The following HS2ST1 variants were observed in gnomAD, a reference collection of about 807,000 sequenced individuals.
HS2ST1 encodes heparan sulfate 2-O-sulfotransferase 1, also known as 2-O-sulfotransferase.
HS2ST1 carries 18 observed loss-of-function variants against 42.9 expected under a neutral mutation model. The ratio of observed to expected loss-of-function variants is 0.42; its 90% CI spans 0.29 to 0.62. The LOEUF is 0.62. HS2ST1 is among the 20% of genes least tolerant of loss of function. The pLI is 0.21. For synonymous variants in HS2ST1, 146 were observed against 152.9 expected, an observed-to-expected ratio of 0.95 and a Z score of 0.33; for missense variants, 334 against 433.8, an observed-to-expected ratio of 0.77 and a Z score of 2.04.
At chr1:87,055,614 G>GC (rs1650945903) in intron 1 of HS2ST1, among the ~76,000 whole-genome samples, 1 of 152,198 alleles carries the variant, frequency 6.6e-6, no homozygotes, top group Admixed American at 6.5e-5. Flanking sequence ...TATAGAAGTT[G>GC]TTCTGAAAGT....
chr1:87,061,247 T>C (rs1398883748), intron 1 of HS2ST1, among the ~76,000 whole-genome samples: 1 of 152,130 alleles, frequency 6.6e-6, no homozygotes, highest in Non-Finnish European at 1.5e-5. Flanking sequence ...TTGGTAATTT[T>C]TTTGAAGTGA....
At chr1:86,970,685 T>A (rs1340406370) in intron 1 of HS2ST1, among the ~76,000 whole-genome samples, 1 of 152,200 alleles carries the variant, frequency 6.6e-6, no homozygotes. Flanking sequence ...TGAGCCACTG[T>A]GCCCTGCCTG....
At chr1:86,935,707 G>A (rs1399583019) in intron 1 of HS2ST1, among the ~76,000 whole-genome samples, 2 of 151,932 alleles carry the variant, frequency 1.3e-5, no homozygotes, top group African/African-American at 4.8e-5. Flanking sequence ...CAAGTGATCT[G>A]CGCACCTCGG....
intron 1 of HS2ST1, among the ~76,000 whole-genome samples, chr1:86,941,257 A>G (rs1325511275): frequency 6.6e-6 from 1 of 152,062 alleles, no homozygotes; most frequent in Non-Finnish European, 1.5e-5. Context: ...TCTCTGAAGT[A>G]TCTGGATTTG....
intron 1 of HS2ST1, among the ~76,000 whole-genome samples, chr1:87,015,122 C>T (rs1649712588): frequency 2.6e-5 from 4 of 152,098 alleles, no homozygotes. Context: ...GATCTCAGCT[C>T]ACTGCAACCT....
At position 87,020,928 on chromosome 1, in the gene HS2ST1, C is replaced by T. The variant is rs545520218; in HGVS notation, c.125-52006C>T. ...CATCTAAATGAACCATGACCATAAA[C>T]AGTTCTGAGCCTCATTCTATAGGTA... is the stretch of plus-strand genomic sequence containing the variant. On this transcript the variant is annotated intron_variant, in intron 1 of 6. Transcript: ENST00000370550. 2.6e-5 allele frequency among the ~76,000 whole-genome samples: 4 copies of T among 152,276 alleles called. No individual in the cohort carries two copies. The East Asian group carries it at 5.8e-4, about 22-fold the overall frequency.
intron 1 of HS2ST1, among the ~76,000 whole-genome samples, chr1:87,010,143 G>C (rs550260484): frequency 6.6e-6 from 1 of 152,082 alleles, no homozygotes; most frequent in African/African-American, 2.4e-5. Context: ...ATGAAAGCAA[G>C]AAATGTAAGC....
intron 1 of HS2ST1, among the ~76,000 whole-genome samples, chr1:87,038,026 T>C (rs1403741768): frequency 6.6e-6 from 1 of 152,100 alleles, no homozygotes; most frequent in African/African-American, 2.4e-5. Context: ...ATCTTTATAT[T>C]GTTAATGATT....
chr1:87,088,373 A>G (rs1346941672), intron 3 of HS2ST1, among the ~76,000 whole-genome samples: 6 of 152,088 alleles, frequency 3.9e-5, no homozygotes, highest in African/African-American at 1.4e-4. Context: ...GATGCTTTTG[A>G]CATTCATCTA....
rs1394620713 is a variant in HS2ST1, at chr1:87,049,670, T to A, written c.125-23264T>A. 2.6e-5 allele frequency among the ~76,000 whole-genome samples: 4 copies of A among 152,106 alleles called. No individual in the cohort carries two copies. The East Asian group carries it at 7.7e-4, about 29-fold the overall frequency. ...ACTTTCAAATATTTTGAACCTTGTTTTATGACTGAGAATATGGTCTGTCTT... is the reference window on the plus strand; with the variant it reads ...ACTTTCAAATATTTTGAACCTTGTTATATGACTGAGAATATGGTCTGTCTT... On this transcript the variant is annotated intron_variant, in intron 1 of 6. Transcript: ENST00000370550.
intron 5 of HS2ST1, among the ~76,000 whole-genome samples, chr1:87,100,699 C>G (rs920585933): frequency 3.9e-5 from 6 of 152,226 alleles, no homozygotes; most frequent in Admixed American, 3.9e-4. Flanking sequence ...TTTGGAAGAC[C>G]AAAGTGGGAG....
intron 1 of HS2ST1, among the ~76,000 whole-genome samples, chr1:86,970,551 C>T (rs548265236): frequency 6.6e-6 from 1 of 152,216 alleles, no homozygotes; most frequent in South Asian, 2.1e-4. Context: ...CAGGCGTGCA[C>T]CACCATGCTT....
intron 1 of HS2ST1, among the ~76,000 whole-genome samples, chr1:87,051,370 C>G (rs897604150): frequency 4.6e-5 from 7 of 151,766 alleles, no homozygotes; most frequent in Non-Finnish European, 8.8e-5. Flanking sequence ...TGCCTTATCC[C>G]CATTAATTTT....
intron 1 of HS2ST1, among the ~76,000 whole-genome samples, chr1:87,001,799 G>T (rs1213024109): frequency 6.6e-6 from 1 of 152,054 alleles, no homozygotes; most frequent in African/African-American, 2.4e-5. Context: ...ATTTAGTAGA[G>T]ACCAGGTTTC....
chr1:86,985,477 CATATAT>C (rs1224841313), intron 1 of HS2ST1, among the ~76,000 whole-genome samples: 4 of 115,172 alleles, frequency 3.5e-5, no homozygotes, highest in East Asian at 2.7e-4. Flanking sequence ...CATATATACA[CATATAT>C]ACACATATAT....
intron 5 of HS2ST1, among the ~76,000 whole-genome samples, chr1:87,102,847 G>A (rs1233534462): frequency 6.6e-6 from 1 of 151,960 alleles, no homozygotes; most frequent in Non-Finnish European, 1.5e-5. Context: ...GCTAGAATTT[G>A]GATTAAGGAA....
At chr1:86,925,590 G>A (rs1303008930) in intron 1 of HS2ST1, among the ~76,000 whole-genome samples, 1 of 152,132 alleles carries the variant, frequency 6.6e-6, no homozygotes, top group Non-Finnish European at 1.5e-5. Context: ...CTTGTTCAGG[G>A]GAACGCCTCT....
intron 1 of HS2ST1, among the ~76,000 whole-genome samples, chr1:86,942,956 T>C (rs1029118066): frequency 1.3e-5 from 2 of 152,182 alleles, no homozygotes; most frequent in East Asian, 1.9e-4. Context: ...CATCAGACTT[T>C]CTGGCTCTGT....
At chr1:87,103,085 C>T (rs1273600264) in intron 5 of HS2ST1, among the ~76,000 whole-genome samples, 1 of 152,184 alleles carries the variant, frequency 6.6e-6, no homozygotes, top group Non-Finnish European at 1.5e-5. Flanking sequence ...GAGCTCTTAA[C>T]AGAATTTAGA....
Sources: allele counts gnomAD v4.1 joint callset (sites outside exome capture counted in the v4.1 genomes callset), GRCh38; gene constraint gnomAD v4.1.1; transcripts MANE v1.5; gene names NCBI Gene and HGNC (gene_info 2026-07-23, HGNC 2026-07-21).